FRMPD4: variants seen among roughly 807,000 people sequenced by gnomAD.
FRMPD4 encodes the protein FERM and PDZ domain-containing protein 4.
Under a neutral mutation model 94.1 loss-of-function variants are expected in FRMPD4, and 22 were observed. That is an observed-to-expected ratio of 0.23 (90% CI 0.17 to 0.33). FRMPD4 has a LOEUF of 0.33. Among genes scored for constraint, FRMPD4 ranks in the 10% least tolerant of loss-of-function variants. FRMPD4 has a pLI of 1.00. For missense variants in FRMPD4, 1,111 were observed against 1,339.9 expected, an observed-to-expected ratio of 0.83 and a Z score of 2.67; for synonymous variants, 631 against 548.6, an observed-to-expected ratio of 1.15 and a Z score of -2.10.
chrX:12,329,634 C>T (rs1223960140), intron 1 of FRMPD4, among the ~76,000 whole-genome samples: 6 of 110,614 alleles, frequency 5.4e-5, no homozygotes, highest in Admixed American at 1.9e-4. Flanking sequence ...TCCAACAACC[C>T]AGAGCCCTTT....
chrX:12,149,097 A>G (rs1388759620), intron 1 of FRMPD4: 1 of 111,933 alleles, frequency 8.9e-6, no homozygotes, highest in Non-Finnish European at 1.9e-5. Context: ...AGTAATTTTG[A>G]CTTCCAAGTC....
intron 3 of FRMPD4, among the ~76,000 whole-genome samples, chrX:12,077,660 C>T (rs1167857194): frequency 9.0e-6 from 1 of 111,054 alleles, no homozygotes; most frequent in Non-Finnish European, 1.9e-5. Flanking sequence ...TTGTTGACAC[C>T]GTGTGGAATT....
chrX:12,485,419 G>T (rs1006517086), intron 1 of FRMPD4, among the ~76,000 whole-genome samples: 1 of 111,872 alleles, frequency 8.9e-6, no homozygotes, highest in Non-Finnish European at 1.9e-5. Context: ...GAAGAATAAG[G>T]TAGGGGCTTC....
rs372011645 is a variant in FRMPD4, at chrX:12,718,669, G to A, written c.3843G>A (p.Gln1281=). The A allele has an allele frequency of 1.8e-5, 22 of 1,207,144 alleles. No individual in the cohort carries two copies. Among genetic ancestry groups the A allele is most frequent in the Non-Finnish European group, 2.4e-5 (21 of 892,412 alleles). Residue 1281 remains glutamine (Q), a synonymous_variant, in exon 16 of 17, where the codon CAG becomes CAA. Transcript: ENST00000675598. ...HGATFKELHP[Q]TEGMCPRMTV... ...CCACCTTTAAGGAACTGCACCCACA[G>A]ACAGAAGGGATGTGTCCACGGATGA...
intron 4 of FRMPD4, among the ~76,000 whole-genome samples, chrX:12,641,365 A>C (rs1438487): frequency 0.1 from 11,471 of 111,103 alleles, 1,246 homozygotes; most frequent in African/African-American, 0.32. Context: ...TCGCCAGTTA[A>C]GAACTGCCTC....
chrX:12,715,624 A>T (rs759125391), intron 14 of FRMPD4, among the ~76,000 whole-genome samples: 14 of 112,606 alleles, frequency 1.2e-4, no homozygotes, highest in Middle Eastern at 9.1e-3. Context: ...TTCCTCCATG[A>T]AGTAGGGAAT....
chrX:12,598,457 C>T (rs758338188), intron 2 of FRMPD4, among the ~76,000 whole-genome samples: 20 of 111,669 alleles, frequency 1.8e-4, no homozygotes, highest in African/African-American at 6.5e-4. Flanking sequence ...TCTTCCCATC[C>T]TCATTCTCTC....
chrX:12,455,754 A>T (rs771276425), intron 1 of FRMPD4, among the ~76,000 whole-genome samples: 2 of 112,120 alleles, frequency 1.8e-5, no homozygotes, highest in South Asian at 7.5e-4. Flanking sequence ...CTCATTTGGG[A>T]GGAAAGGACT....
At chrX:12,518,022 C>T (rs2058121918) in intron 2 of FRMPD4, among the ~76,000 whole-genome samples, 1 of 112,051 alleles carries the variant, frequency 8.9e-6, no homozygotes, top group Non-Finnish European at 1.9e-5. Context: ...ATGGGGTATT[C>T]CCCCTGGGTC....
At chrX:11,912,841 G>T (rs2054004261) in intron 3 of FRMPD4, among the ~76,000 whole-genome samples, 1 of 111,180 alleles carries the variant, frequency 9.0e-6, no homozygotes, top group Admixed American at 9.5e-5. Context: ...TAGAAAAATG[G>T]TGAAGGGGCC....
rs143972300 is a variant in FRMPD4, at chrX:12,335,408, G to A, written c.42-163272G>A. On this transcript the variant is annotated intron_variant, in intron 1 of 16. Coordinates refer to ENST00000675598, the MANE Select transcript of FRMPD4 (RefSeq NM_001368397.1). ...CTCCCACAGTGCTGGGATTACAGGC[G>A]TGAGCCACTGTGCCTGGCCTAAGAT... is the stretch of plus-strand genomic sequence containing the variant. Among the ~76,000 whole-genome samples the A allele has an allele frequency of 2.1e-4, 24 of 111,988 alleles. No homozygotes were observed. In the East Asian group the frequency reaches 5.6e-3, roughly 26 times the overall value.
At chrX:12,422,503 G>A (rs1009142018) in intron 1 of FRMPD4, among the ~76,000 whole-genome samples, 18 of 111,740 alleles carry the variant, frequency 1.6e-4, no homozygotes, top group African/African-American at 5.2e-4. Flanking sequence ...AACTAGGATC[G>A]TTTGAAAGGC....
chrX:12,449,013 G>A (rs756601685), intron 1 of FRMPD4, among the ~76,000 whole-genome samples: 1 of 111,705 alleles, frequency 9.0e-6, no homozygotes, highest in South Asian at 3.8e-4. Flanking sequence ...AAGGCTTAAA[G>A]GAATTAATTC....
intron 2 of FRMPD4, among the ~76,000 whole-genome samples, chrX:12,521,325 C>T (rs753028329): frequency 9.0e-6 from 1 of 111,553 alleles, no homozygotes; most frequent in Admixed American, 9.6e-5. Context: ...TGAGACCACC[C>T]TCAGCTGGTG....
chrX:12,278,675 A>G (rs1245421302), intron 1 of FRMPD4, among the ~76,000 whole-genome samples: 2 of 111,829 alleles, frequency 1.8e-5, no homozygotes, highest in Admixed American at 9.4e-5. Flanking sequence ...CTTCATTGCA[A>G]GGACCTGAGA....
chrX:11,864,880 A>G (rs756159149), intron 1 of FRMPD4, among the ~76,000 whole-genome samples: 11 of 111,618 alleles, frequency 9.9e-5, no homozygotes, highest in Non-Finnish European at 2.1e-4. Context: ...AAAGCCCTAC[A>G]CTATAATTCA....
intron 1 of FRMPD4, among the ~76,000 whole-genome samples, chrX:12,169,944 T>G (rs972417805): frequency 1.8e-5 from 2 of 111,337 alleles, no homozygotes; most frequent in Non-Finnish European, 3.8e-5. Flanking sequence ...GTGGGCCAGA[T>G]TTGGCCTGCA....
chrX:12,039,222 TA>T (rs1002688917), intron 3 of FRMPD4, among the ~76,000 whole-genome samples: 5 of 106,555 alleles, frequency 4.7e-5, no homozygotes, highest in African/African-American at 6.7e-5. Context: ...TATTTATTTT[TA>T]TTTTTTTTTT....
chrX:12,362,809 T>G (rs959026628), intron 1 of FRMPD4, among the ~76,000 whole-genome samples: 3 of 112,152 alleles, frequency 2.7e-5, no homozygotes, highest in Admixed American at 9.4e-5. Context: ...TGAACTAGTT[T>G]ACAGTCCCAC....
Sources: allele counts gnomAD v4.1 joint callset (sites outside exome capture counted in the v4.1 genomes callset), GRCh38; gene constraint gnomAD v4.1.1; transcripts MANE v1.5; gene names NCBI Gene and HGNC (gene_info 2026-07-23, HGNC 2026-07-21).